Variants in NCS1 observed in about 807,000 individuals in gnomAD.
The protein encoded by NCS1 is frequenin homolog.
NCS1 carries 6 observed loss-of-function variants against 28.4 expected under a neutral mutation model. That is an observed-to-expected ratio of 0.21 (90% CI 0.12 to 0.42). NCS1 has a LOEUF of 0.42. NCS1 is among the 10% of genes least tolerant of loss of function. The pLI is 1.00. For missense variants in NCS1, 131 were observed against 241.4 expected (o/e 0.54, Z 3.03); for synonymous variants, 86 against 99.3 (o/e 0.87, Z 0.79).
At chr9:130,174,006 C>A (rs1211163244) in intron 1 of NCS1, among the ~76,000 whole-genome samples, 6 of 152,190 alleles carry the variant, frequency 3.9e-5, no homozygotes, top group Non-Finnish European at 8.8e-5. Flanking sequence ...GCATGGAGCT[C>A]ACATCCCAAG....
chr9:130,220,136 C>A (rs1554910028), intron 4 of NCS1, among the ~76,000 whole-genome samples: 1 of 152,188 alleles, frequency 6.6e-6, no homozygotes, highest in Non-Finnish European at 1.5e-5. Context: ...CTGGCAGGAG[C>A]CTTGGCTGCA....
chr9:130,208,251 T>A (rs1405738546), intron 2 of NCS1, among the ~76,000 whole-genome samples: 4 of 147,792 alleles, frequency 2.7e-5, no homozygotes, highest in Non-Finnish European at 6.0e-5. Flanking sequence ...TGTCCTCTGG[T>A]GGATTATGTG....
At position 130,177,663 on chromosome 9, in the gene NCS1, C is replaced by T. The variant is rs997210293; in HGVS notation, c.64+4936C>T. 6.6e-6 allele frequency among the ~76,000 whole-genome samples: 1 copy of T among 152,240 alleles called. No individual in the cohort carries two copies. Among genetic ancestry groups the T allele is most frequent in the Non-Finnish European group, 1.5e-5 (1 of 68,042 alleles). On this transcript the variant is annotated intron_variant, in intron 1 of 7. Coordinates refer to ENST00000372398, the MANE Select transcript of NCS1 (RefSeq NM_014286.4). This position sits in a 1 kb window ranked among gnomAD's most constrained non-coding sequence, Gnocchi z 4.4. ...GGAGAGGACTCGATCCCCTGCGGTG[C>T]GGGGCTGGGTCCTCACTCGGCCTTG...
chr9:130,230,246 G>A (rs1387946854), intron 7 of NCS1, among the ~76,000 whole-genome samples: 1 of 152,132 alleles, frequency 6.6e-6, no homozygotes, highest in Non-Finnish European at 1.5e-5. Context: ...AGCTATTTGG[G>A]AGGCCGAGGC....
chr9:130,224,730 C>T (rs1833388374), intron 6 of NCS1, among the ~76,000 whole-genome samples: 1 of 152,024 alleles, frequency 6.6e-6, no homozygotes, highest in Non-Finnish European at 1.5e-5. Context: ...ACCTATATAA[C>T]AAACCTGCAC....
At chr9:130,201,599 G>A (rs1832948422) in intron 2 of NCS1, among the ~76,000 whole-genome samples, 1 of 152,164 alleles carries the variant, frequency 6.6e-6, no homozygotes. Flanking sequence ...GGAGCAGACA[G>A]GAGGCTCACC....
chr9:130,210,515 G>T lies in NCS1; in HGVS notation c.90-7317G>T, dbSNP rs1453486207. ...CAGCTGGTGGGACGAGGTAACGGGGGTTGGGCTGTCCCTGGCCACTGGCTC... is the reference window on the plus strand; with the variant it reads ...CAGCTGGTGGGACGAGGTAACGGGGTTTGGGCTGTCCCTGGCCACTGGCTC... On this transcript the variant is annotated intron_variant, in intron 2 of 7. Transcript: ENST00000372398. 2.6e-5 allele frequency among the ~76,000 whole-genome samples: 4 copies of T among 152,306 alleles called. No homozygotes were observed. In the East Asian group the frequency reaches 7.7e-4, roughly 29 times the overall value.
intron 7 of NCS1, among the ~76,000 whole-genome samples, chr9:130,231,252 T>C (rs1554912071): frequency 6.6e-6 from 1 of 151,970 alleles, no homozygotes; most frequent in African/African-American, 2.4e-5. Context: ...TTAGGGGTGC[T>C]GAGGCAGGAG....
chr9:130,182,928 G>A (rs1430584916), intron 1 of NCS1, among the ~76,000 whole-genome samples: 2 of 152,232 alleles, frequency 1.3e-5, no homozygotes, highest in East Asian at 1.9e-4. Context: ...GGTTTTGGGG[G>A]CATGGTGGCC....
At chr9:130,220,640 G>C (rs1439600724) in intron 4 of NCS1, among the ~76,000 whole-genome samples, 2 of 152,104 alleles carry the variant, frequency 1.3e-5, no homozygotes, top group Non-Finnish European at 2.9e-5. Flanking sequence ...GGTGCGTGGA[G>C]GGGAGGGAAG....
At chr9:130,205,902 G>C (rs782130548) in intron 2 of NCS1, among the ~76,000 whole-genome samples, 3 of 152,024 alleles carry the variant, frequency 2.0e-5, no homozygotes, top group Non-Finnish European at 4.4e-5. Context: ...AGTTCTGTGT[G>C]TCTCAAGTAA....
Position 130,186,170 on chromosome 9 carries a change from C to T in NCS1, c.64+13443C>T, listed in dbSNP as rs782547478. 1.3e-5 allele frequency among the ~76,000 whole-genome samples: 2 copies of T among 152,196 alleles called. No homozygotes were observed. Among genetic ancestry groups the T allele is most frequent in the Non-Finnish European group, 2.9e-5 (2 of 68,030 alleles). On this transcript the variant is annotated intron_variant, in intron 1 of 7. Coordinates refer to ENST00000372398, the MANE Select transcript of NCS1 (RefSeq NM_014286.4). This position sits in a 1 kb window ranked among gnomAD's most constrained non-coding sequence, Gnocchi z 4.1. ...GAGAATGTTTATGGAACAGCTGCCT[C>T]GTGTTAGGCCCTGCGGATGCTGGGG...
chr9:130,220,147 C>T (rs1294757602), intron 4 of NCS1, among the ~76,000 whole-genome samples: 1 of 152,226 alleles, frequency 6.6e-6, no homozygotes, highest in Non-Finnish European at 1.5e-5. Context: ...CTTGGCTGCA[C>T]TCGGGCAGGT....
chr9:130,186,470 T>C lies in NCS1; in HGVS notation c.64+13743T>C, dbSNP rs539375176. Among the ~76,000 whole-genome samples, 1 of 152,248 alleles carries C rather than the reference T, an allele frequency of 6.6e-6. No homozygotes were observed. Among genetic ancestry groups the C allele is most frequent in the African/African-American group, 2.4e-5 (1 of 41,544 alleles). On this transcript the variant is annotated intron_variant, in intron 1 of 7. Coordinates refer to ENST00000372398, the MANE Select transcript of NCS1 (RefSeq NM_014286.4). This position sits in a 1 kb window ranked among gnomAD's most constrained non-coding sequence, Gnocchi z 4.1. ...TATCTGTATTTTTGTTTGCTGAATT[T>C]GATAGTACTGCTTGAGGGAGATGAG...
intron 7 of NCS1, among the ~76,000 whole-genome samples, chr9:130,230,757 C>T (rs1200422021): frequency 1.3e-5 from 2 of 151,342 alleles, no homozygotes; most frequent in East Asian, 2.0e-4. Context: ...ACTCAGCTTC[C>T]GAATCCCCAG....
chr9:130,183,722 TTCTTTCTCTCTCTCTTCCTTCCTTCTTTC>T (rs1554905381), intron 1 of NCS1, among the ~76,000 whole-genome samples: 8 of 138,396 alleles, frequency 5.8e-5, no homozygotes, highest in Non-Finnish European at 1.3e-4. Context: ...CCTTCCTTCC[TTCTTTCTCTCTCTCTTCCTTCCTTCTTTC>T]TCTTTCTCTT....
intron 1 of NCS1, among the ~76,000 whole-genome samples, chr9:130,190,302 C>A (rs1367923396): frequency 6.6e-6 from 1 of 152,162 alleles, no homozygotes; most frequent in Non-Finnish European, 1.5e-5. Flanking sequence ...AGGTCCAAAT[C>A]GGACAAAAGC....
intron 4 of NCS1, among the ~76,000 whole-genome samples, chr9:130,221,401 T>TAG (rs1564713668): frequency 1.2e-3 from 54 of 45,048 alleles, no homozygotes; most frequent in African/African-American, 2.9e-3. Context: ...TATATATATA[T>TAG]ATATATATAT....
In NCS1 at chr9:130,191,239, G is replaced by A. The variant is rs782484676; in HGVS notation, c.65-9719G>A. ...CCTGCTGGACTGTGTGTCCCAAGCC[G>A]AGAGCCTGGCTTTAGAGGGCCTCGG... On this transcript the variant is annotated intron_variant, in intron 1 of 7. Transcript: ENST00000372398. The surrounding 1 kb of genome is among the most constrained non-coding windows in gnomAD (Gnocchi z 6.4). Among the ~76,000 whole-genome samples the A allele has an allele frequency of 1.3e-5, 2 of 152,138 alleles. No homozygotes were observed. Among genetic ancestry groups the A allele is most frequent in the Admixed American group, 6.5e-5 (1 of 15,282 alleles).
Sources: gnomAD v4.1 joint callset for allele counts (sites outside exome capture counted in the v4.1 genomes callset) on GRCh38, gnomAD v4.1.1 for gene constraint, Gnocchi (gnomAD v3.1) non-coding constraint, MANE v1.5 for transcripts, NCBI Gene and HGNC (gene_info 2026-07-23, HGNC 2026-07-21) for gene names.